Variants in SPECC1 observed in about 807,000 individuals in gnomAD.
SPECC1 encodes sperm antigen with calponin homology and coiled-coil domains 1.
A neutral mutation model predicts 104.1 loss-of-function variants in SPECC1; 62 were observed. The ratio of observed to expected loss-of-function variants is 0.60; its 90% CI spans 0.49 to 0.74. The LOEUF is 0.74. Ranked by LOEUF, SPECC1 falls within the 30% of genes least tolerant of loss-of-function variation. The pLI is 0.00. For missense variants in SPECC1, 1,306 were observed against 1,310.5 expected (o/e 1.00, Z 0.05); for synonymous variants, 513 against 501.6 (o/e 1.02, Z -0.30).
intron 1 of SPECC1, among the ~76,000 whole-genome samples, chr17:20,085,656 G>C (rs2152494843): frequency 6.6e-6 from 1 of 152,340 alleles, no homozygotes; most frequent in Non-Finnish European, 1.5e-5. Flanking sequence ...GGCACTGCAG[G>C]AATATTGCTA....
intron 3 of SPECC1, among the ~76,000 whole-genome samples, chr17:20,149,328 C>T (rs2031764981): frequency 6.6e-6 from 1 of 152,256 alleles, no homozygotes; most frequent in East Asian, 1.9e-4. Flanking sequence ...GCACTTGGCT[C>T]GTGTCAGGGA....
At chr17:20,242,967 G>GT (rs1258117162) in intron 7 of SPECC1, among the ~76,000 whole-genome samples, 1 of 152,080 alleles carries the variant, frequency 6.6e-6, no homozygotes, top group Non-Finnish European at 1.5e-5. Context: ...CATTTTTGTT[G>GT]TTTTAAGCAT....
chr17:20,257,532 C>G lies in SPECC1; in HGVS notation c.2762C>G (p.Pro921Arg), dbSNP rs2039876514. Reference protein sequence around the residue: ...KSPSLESLSRPPSLGFGDTRL... With the variant: ...KSPSLESLSRRPSLGFGDTRL... ...CCCTCACTAGAGTCACTGAGCAGAC[C>G]CCCGTCTCTGGGCTTTGGGGACACA... is the stretch of plus-strand genomic sequence containing the variant. Residue 921 changes from proline to arginine, a missense_variant, in exon 11 of 15, where the codon CCC becomes CGC. Pro to Arg is a moderately radical substitution (Grantham distance 103). Coordinates refer to ENST00000395527, the MANE Select transcript of SPECC1 (RefSeq NM_001243439.2). 6.2e-7 allele frequency: 1 copy of G among 1,613,610 alleles called. No individual in the cohort carries two copies. The highest frequency in any genetic ancestry group is 8.5e-7 in the Non-Finnish European group (1 of 1,179,896).
At chr17:20,285,212 C>T (rs1309371947) in intron 12 of SPECC1, among the ~76,000 whole-genome samples, 2 of 152,214 alleles carry the variant, frequency 1.3e-5, no homozygotes, top group African/African-American at 4.8e-5. Flanking sequence ...TGTGGTTTTG[C>T]TTTGCCCTGT....
chr17:20,178,267 C>G (rs1415609985), intron 3 of SPECC1, among the ~76,000 whole-genome samples: 3 of 152,140 alleles, frequency 2.0e-5, no homozygotes, highest in African/African-American at 7.2e-5. Context: ...TGCTTCTCCT[C>G]TGTTTATTCT....
intron 12 of SPECC1, among the ~76,000 whole-genome samples, chr17:20,268,200 A>G (rs2040278855): frequency 6.6e-6 from 1 of 152,166 alleles, no homozygotes; most frequent in Admixed American, 6.5e-5. Context: ...AAGAATTCAG[A>G]TAGCAGGCGA....
chr17:20,096,621 T>C lies in SPECC1; in HGVS notation c.-21-10T>C, dbSNP rs2047657303. 3 of 1,585,972 alleles carry C rather than the reference T, an allele frequency of 1.9e-6. No homozygotes were observed. In the East Asian group the frequency reaches 6.8e-5, roughly 36 times the overall value. ...ATGGAGACATGTTTTTCTTTTCTGC[T>C]CTTTTGCAGGACAGACCCACGAAGT... On this transcript the variant is annotated splice_polypyrimidine_tract_variant and intron_variant, in intron 1 of 14. Coordinates refer to ENST00000395527, the MANE Select transcript of SPECC1 (RefSeq NM_001243439.2).
chr17:20,240,060 ATTTTTTTTTTTTTTTTTT>A (rs748689632), intron 7 of SPECC1, among the ~76,000 whole-genome samples: 17 of 32,198 alleles, frequency 5.3e-4, no homozygotes, highest in Admixed American at 7.4e-4. Flanking sequence ...TGTCCAGCTA[ATTTTTTTTTTTTTTTTTT>A]TTTTTTTTTT....
At chr17:20,113,794 T>G (rs1460005922) in intron 3 of SPECC1, among the ~76,000 whole-genome samples, 1 of 152,250 alleles carries the variant, frequency 6.6e-6, no homozygotes, top group African/African-American at 2.4e-5. Context: ...ATTCTGTCTA[T>G]TCACACTATT....
intron 3 of SPECC1, among the ~76,000 whole-genome samples, chr17:20,181,754 T>TG (rs1357976666): frequency 6.6e-6 from 1 of 151,868 alleles, no homozygotes; most frequent in African/African-American, 2.4e-5. Flanking sequence ...CATTGGAACG[T>TG]GAAAAAAAAA....
At chr17:20,126,167 T>TC (rs920932802) in intron 3 of SPECC1, among the ~76,000 whole-genome samples, 2 of 152,094 alleles carry the variant, frequency 1.3e-5, no homozygotes, top group Non-Finnish European at 2.9e-5. Context: ...TTTGGGCTCT[T>TC]CCCCTGAAGT....
At chr17:20,132,712 GTTATTTAT>G (rs56948106) in intron 3 of SPECC1, among the ~76,000 whole-genome samples, 28,208 of 144,820 alleles carry the variant, frequency 0.19, 2,941 homozygotes, top group African/African-American at 0.27. Context: ...TTTATGTGTA[GTTATTTAT>G]TTATTTATTT....
At chr17:20,169,223 G>C (rs1012762232) in intron 3 of SPECC1, among the ~76,000 whole-genome samples, 1 of 152,190 alleles carries the variant, frequency 6.6e-6, no homozygotes, top group Non-Finnish European at 1.5e-5. Context: ...TATAAAACCT[G>C]AGGAAGAAAT....
chr17:20,237,530 C>T, intron 7 of SPECC1: 1 of 193,296 alleles, frequency 5.2e-6, no homozygotes, highest in Middle Eastern at 1.8e-3. Flanking sequence ...GGCCAGGCTG[C>T]TCTTGAACTC....
intron 12 of SPECC1, among the ~76,000 whole-genome samples, chr17:20,263,637 G>A (rs2703792): frequency 0.71 from 107,436 of 152,056 alleles, 39,719 homozygotes; most frequent in East Asian, 0.99. Context: ...TAGGAATGGT[G>A]ATGGGAAATT....
At chr17:20,279,502 A>G (rs566829647) in intron 12 of SPECC1, among the ~76,000 whole-genome samples, 1 of 151,848 alleles carries the variant, frequency 6.6e-6, no homozygotes, top group African/African-American at 2.4e-5. Context: ...TTGTATTTTT[A>G]GTAGAGAAAG....
intron 1 of SPECC1, among the ~76,000 whole-genome samples, chr17:20,034,095 C>CTTTTT (rs34012755): frequency 6.9e-6 from 1 of 144,838 alleles, no homozygotes. Context: ...GTTTGATATT[C>CTTTTT]TTTTTTTTTT....
intron 3 of SPECC1, among the ~76,000 whole-genome samples, chr17:20,156,420 G>A (rs550050062): frequency 6.6e-6 from 1 of 152,296 alleles, no homozygotes; most frequent in Non-Finnish European, 1.5e-5. Context: ...CCGACGCCGC[G>A]ACCAGAAAAC....
At chr17:20,099,287 A>G (rs944591499) in intron 2 of SPECC1, among the ~76,000 whole-genome samples, 5 of 152,122 alleles carry the variant, frequency 3.3e-5, no homozygotes, top group African/African-American at 1.2e-4. Flanking sequence ...TCTATATCCA[A>G]TAAGCAACAT....
Sources: gnomAD v4.1 joint callset for allele counts (sites outside exome capture counted in the v4.1 genomes callset) on GRCh38, gnomAD v4.1.1 for gene constraint, MANE v1.5 for transcripts, NCBI Gene and HGNC (gene_info 2026-07-23, HGNC 2026-07-21) for gene names.